Variants in ACBD6 observed in about 807,000 individuals in gnomAD.
ACBD6 encodes the protein acyl-CoA binding domain containing 6, also known as acyl-CoA-binding domain-containing protein 6.
Under a neutral mutation model 37.2 loss-of-function variants are expected in ACBD6, and 28 were observed. That is an observed-to-expected ratio of 0.75 (90% confidence interval 0.56 to 1.03). The LOEUF (loss-of-function observed/expected upper bound fraction) is 1.03. ACBD6 is among the 50% of genes least tolerant of loss of function. ACBD6 has a pLI of 0.00. For missense variants in ACBD6, 340 were observed against 337.4 expected (o/e 1.01, Z -0.06); for synonymous variants, 113 against 126.8 (o/e 0.89, Z 0.73).
At chr1:180,365,839 T>A (rs1653033438) in intron 6 of ACBD6, among the ~76,000 whole-genome samples, 1 of 152,224 alleles carries the variant, frequency 6.6e-6, no homozygotes, top group South Asian at 2.1e-4. Flanking sequence ...AAAATTACTT[T>A]TCTTTGAAGA....
chr1:180,336,111 A>C (rs1651706950), intron 6 of ACBD6, among the ~76,000 whole-genome samples: 1 of 150,870 alleles, frequency 6.6e-6, no homozygotes, highest in Non-Finnish European at 1.5e-5. Flanking sequence ...AATGAGACAG[A>C]AAGTTAACAA....
chr1:180,321,295 A>C (rs1180289412), intron 6 of ACBD6, among the ~76,000 whole-genome samples: 15 of 152,082 alleles, frequency 9.9e-5, no homozygotes, highest in Admixed American at 9.8e-4. Context: ...GTTCCATATA[A>C]ATTTTAGGAT....
chr1:180,322,088 C>T (rs777005405), intron 6 of ACBD6, among the ~76,000 whole-genome samples: 5 of 152,130 alleles, frequency 3.3e-5, no homozygotes, highest in Non-Finnish European at 5.9e-5. Context: ...TGAATTTTAT[C>T]AAATACTTTT....
intron 3 of ACBD6, among the ~76,000 whole-genome samples, chr1:180,453,396 T>A (rs965925153): frequency 1.3e-5 from 2 of 152,218 alleles, no homozygotes; most frequent in Admixed American, 1.3e-4. Context: ...GGAATGTATC[T>A]CAAAATAATA....
chr1:180,315,386 T>C (rs1650758798), intron 6 of ACBD6, among the ~76,000 whole-genome samples: 1 of 152,202 alleles, frequency 6.6e-6, no homozygotes, highest in Non-Finnish European at 1.5e-5. Flanking sequence ...CAATGCCACC[T>C]CTTAAAACTG....
intron 3 of ACBD6, among the ~76,000 whole-genome samples, chr1:180,446,442 T>G (rs1649477111): frequency 6.6e-6 from 1 of 152,226 alleles, no homozygotes; most frequent in African/African-American, 2.4e-5. Context: ...ACTATCATTC[T>G]AAACCCTTAA....
intron 6 of ACBD6, among the ~76,000 whole-genome samples, chr1:180,349,223 A>G (rs1414338340): frequency 1.3e-5 from 2 of 151,340 alleles, no homozygotes; most frequent in Non-Finnish European, 2.9e-5. Context: ...GTATCGTTCC[A>G]TTTTTTTAGT....
At chr1:180,489,557 T>C (rs1485571936) in intron 3 of ACBD6, among the ~76,000 whole-genome samples, 1 of 151,734 alleles carries the variant, frequency 6.6e-6, no homozygotes, top group Non-Finnish European at 1.5e-5. Flanking sequence ...TTAAAGAATA[T>C]GAAAGTGCCT....
rs550087994 is a variant in ACBD6 at position 180,412,154 on chromosome 1, T to C, written c.573+1212A>G. Among the ~76,000 whole-genome samples, 26 of 151,626 alleles carry C rather than the reference T, an allele frequency of 1.7e-4. No homozygotes were observed. The South Asian group carries it at 3.5e-3, about 21-fold the overall frequency. On this transcript the variant is annotated intron_variant, in intron 5 of 7. Coordinates refer to ENST00000367595, the MANE Select transcript of ACBD6 (RefSeq NM_032360.4). ...AAATACAAAAAACCACAAACCTAAT[T>C]AGAATCAGAAGACCTGGTATTATTT...
intron 6 of ACBD6, among the ~76,000 whole-genome samples, chr1:180,392,751 C>T (rs1654122639): frequency 6.9e-6 from 1 of 145,132 alleles, no homozygotes; most frequent in Non-Finnish European, 1.5e-5. Context: ...TTATTTATTG[C>T]TTTATACTTT....
At chr1:180,481,227 T>C (rs1002649490) in intron 3 of ACBD6, among the ~76,000 whole-genome samples, 10 of 142,818 alleles carry the variant, frequency 7.0e-5, no homozygotes, top group African/African-American at 2.4e-4. Context: ...GCTTGGCCCA[T>C]GAAGGCGCTT....
intron 6 of ACBD6, among the ~76,000 whole-genome samples, chr1:180,327,112 C>T (rs1230058982): frequency 6.6e-6 from 1 of 152,122 alleles, no homozygotes; most frequent in Non-Finnish European, 1.5e-5. Context: ...AGTCCTGTGG[C>T]CTAGACTGCC....
intron 3 of ACBD6, among the ~76,000 whole-genome samples, chr1:180,468,013 T>C (rs189183070): frequency 6.6e-6 from 1 of 152,050 alleles, no homozygotes; most frequent in Non-Finnish European, 1.5e-5. Context: ...TCCCAGAATA[T>C]GAAGGATGAG....
intron 4 of ACBD6, among the ~76,000 whole-genome samples, chr1:180,429,402 C>G (rs991457384): frequency 5.9e-5 from 9 of 152,164 alleles, no homozygotes; most frequent in African/African-American, 2.2e-4. Flanking sequence ...GCGTAATATC[C>G]TCAAGGTTCA....
At chr1:180,307,038 A>G (rs898517368) in intron 7 of ACBD6, among the ~76,000 whole-genome samples, 1 of 152,252 alleles carries the variant, frequency 6.6e-6, no homozygotes, top group Non-Finnish European at 1.5e-5. Flanking sequence ...CAGCATATCA[A>G]AGAGATATCT....
intron 8 of ACBD6, among the ~76,000 whole-genome samples, chr1:180,282,410 C>T (rs1467907502): frequency 6.6e-6 from 1 of 152,004 alleles, no homozygotes; most frequent in African/African-American, 2.4e-5. Flanking sequence ...AAAAAAAGAG[C>T]AAGAGAGACC....
chr1:180,321,730 T>C (rs973972894), intron 6 of ACBD6, among the ~76,000 whole-genome samples: 1 of 152,202 alleles, frequency 6.6e-6, no homozygotes, highest in Non-Finnish European at 1.5e-5. Context: ...GCAACTTTAC[T>C]GAATTTGTTT....
intron 6 of ACBD6, among the ~76,000 whole-genome samples, chr1:180,338,497 C>T (rs1284680740): frequency 6.6e-6 from 1 of 152,152 alleles, no homozygotes; most frequent in Non-Finnish European, 1.5e-5. Context: ...GAAACTGGAT[C>T]CCTTCCTTAC....
At chr1:180,434,994 C>T (rs1648964499) in intron 3 of ACBD6, 3 of 957,544 alleles carry the variant, frequency 3.1e-6, no homozygotes, top group East Asian at 2.4e-5. Flanking sequence ...TGAGTACGGC[C>T]TGACGTTTAC....
Sources: allele counts gnomAD v4.1 joint callset (sites outside exome capture counted in the v4.1 genomes callset), GRCh38; gene constraint gnomAD v4.1.1; transcripts MANE v1.5; gene names NCBI Gene and HGNC (gene_info 2026-07-23, HGNC 2026-07-21).